The following TYW1B variants were observed in gnomAD, a reference collection of about 807,000 sequenced individuals.
TYW1B encodes S-adenosyl-L-methionine-dependent tRNA 4-demethylwyosine synthase TYW1B.
A neutral mutation model predicts 86.9 loss-of-function variants in TYW1B; 73 were observed. The observed-to-expected ratio is 0.84, with a 90% CI of 0.70 to 1.02. The LOEUF is 1.02. TYW1B is among the 50% of genes least tolerant of loss of function. The pLI is 0.00. For synonymous variants in TYW1B, 248 were observed against 292.8 expected, an observed-to-expected ratio of 0.85 and a Z score of 1.56; for missense variants, 637 against 827.4, an observed-to-expected ratio of 0.77 and a Z score of 2.82.
At chr7:72,589,454 G>A (rs1554431035) in intron 13 of TYW1B, among the ~76,000 whole-genome samples, 1 of 152,230 alleles carries the variant, frequency 6.6e-6, no homozygotes, top group African/African-American at 2.4e-5. Context: ...AAATAAAGAT[G>A]TTTTGGGGAG....
rs191144634 is a variant in TYW1B, at chr7:72,637,656, C to A, written c.1507-8659G>T. On this transcript the variant is annotated intron_variant, in intron 11 of 13. Coordinates refer to ENST00000620995, the MANE Select transcript of TYW1B (RefSeq NM_001145440.3). The stretch of plus-strand genomic sequence containing the variant: ...TGCTCTTTTTGTTTCCTTCCAAGTA[C>A]TTACTCTATGTTTAATCTACTGCTC... Among the ~76,000 whole-genome samples the A allele has an allele frequency of 6.0e-3, 890 of 148,540 alleles. 4 individuals carry two copies. Among genetic ancestry groups the A allele is most frequent in the Middle Eastern group, 0.018 (5 of 280 alleles).
At chr7:72,669,932 A>T (rs868935753) in intron 11 of TYW1B, among the ~76,000 whole-genome samples, 1 of 141,060 alleles carries the variant, frequency 7.1e-6, no homozygotes, top group East Asian at 2.1e-4. Flanking sequence ...CCATTTCTAC[A>T]AAATAAATAA....
At chr7:72,794,335 C>T (rs1167952490) in intron 6 of TYW1B, among the ~76,000 whole-genome samples, 16 of 152,080 alleles carry the variant, frequency 1.1e-4, no homozygotes, top group African/African-American at 3.4e-4. Flanking sequence ...GCAGGAGGAT[C>T]GCCTGAGGTA....
chr7:72,792,637 C>T (rs1304947933), intron 6 of TYW1B, among the ~76,000 whole-genome samples: 2 of 152,146 alleles, frequency 1.3e-5, no homozygotes, highest in African/African-American at 4.8e-5. Flanking sequence ...GGAATTTATT[C>T]TTCAGATAAG....
intron 10 of TYW1B, among the ~76,000 whole-genome samples, chr7:72,709,593 T>G (rs1290757619): frequency 1.3e-5 from 2 of 152,116 alleles, no homozygotes; most frequent in African/African-American, 4.8e-5. Flanking sequence ...ACTTGAACCC[T>G]GGAGGCGGAG....
chr7:72,638,342 C>T (rs372924091), intron 11 of TYW1B, among the ~76,000 whole-genome samples: 21,089 of 129,170 alleles, frequency 0.16, no homozygotes, highest in African/African-American at 0.21. Flanking sequence ...CTGCAACCCA[C>T]CTGTAGGTAA....
At chr7:72,803,627 T>C (rs782807255) in intron 5 of TYW1B, among the ~76,000 whole-genome samples, 1 of 152,094 alleles carries the variant, frequency 6.6e-6, no homozygotes, top group South Asian at 2.1e-4. Context: ...TGTTTGTTCT[T>C]TGTTGTTGTT....
chr7:72,747,433 T>A (rs1197524065), intron 7 of TYW1B, among the ~76,000 whole-genome samples: 1 of 152,200 alleles, frequency 6.6e-6, no homozygotes, highest in Admixed American at 6.5e-5. Flanking sequence ...ATCAGCAGCA[T>A]GAAAACGGAC....
chr7:72,792,933 G>C (rs1788244775), intron 6 of TYW1B, among the ~76,000 whole-genome samples: 1 of 152,196 alleles, frequency 6.6e-6, no homozygotes, highest in Non-Finnish European at 1.5e-5. Context: ...TAAAATACCT[G>C]CAAGAATATT....
rs28666047 is a variant in TYW1B, at chr7:72,649,502, C to T, written c.1507-20505G>A. The stretch of plus-strand genomic sequence containing the variant: ...CTCAGACTCCCATGACTTCAAGCAA[C>T]GTACTGACTTGGATGTCCGAGGATA... On this transcript the variant is annotated intron_variant, in intron 11 of 13. Transcript: ENST00000620995. Among the ~76,000 whole-genome samples, 5 of 152,178 alleles carry T rather than the reference C, an allele frequency of 3.3e-5. No individual in the cohort carries two copies. In the East Asian group the frequency reaches 5.8e-4, roughly 18 times the overall value.
chr7:72,777,262 A>C (rs1787972091), intron 7 of TYW1B, among the ~76,000 whole-genome samples, 154 bp downstream of exon 7: 1 of 152,206 alleles, frequency 6.6e-6, no homozygotes, highest in Non-Finnish European at 1.5e-5. Context: ...AGCCAACAGA[A>C]GCGATCCACA....
intron 8 of TYW1B, among the ~76,000 whole-genome samples, chr7:72,734,257 C>CAAA (rs111714599): frequency 5.6e-4 from 20 of 35,860 alleles, no homozygotes; most frequent in East Asian, 1.7e-3. Flanking sequence ...AACTCCATCT[C>CAAA]AAAAAAAAAA....
At chr7:72,731,125 G>GAAAAAA (rs1162938084) in intron 8 of TYW1B, among the ~76,000 whole-genome samples, 1 of 71,168 alleles carries the variant, frequency 1.4e-5, no homozygotes, top group Non-Finnish European at 2.8e-5. Flanking sequence ...CTAAGGGCTG[G>GAAAAAA]AAAAAAAAAA....
intron 6 of TYW1B, among the ~76,000 whole-genome samples, chr7:72,784,794 G>A (rs1304036895): frequency 3.9e-5 from 6 of 152,138 alleles, no homozygotes; most frequent in South Asian, 2.1e-4. Flanking sequence ...CACTGCGCCC[G>A]GCCTCCTAAT....
intron 9 of TYW1B, among the ~76,000 whole-genome samples, chr7:72,724,969 C>T (rs190558598): frequency 7.7e-4 from 117 of 152,230 alleles, no homozygotes; most frequent in African/African-American, 2.6e-3. Flanking sequence ...AATTTTAAAA[C>T]TCTTTTGTTT....
intron 11 of TYW1B, among the ~76,000 whole-genome samples, chr7:72,683,213 G>A (rs140476550): frequency 0.013 from 1,938 of 152,232 alleles, 19 homozygotes; most frequent in Non-Finnish European, 0.019. Context: ...CTGTCCCAAC[G>A]GGGAAGAAAA....
chr7:72,754,900 G>A (rs1787560362), intron 7 of TYW1B, among the ~76,000 whole-genome samples: 1 of 151,972 alleles, frequency 6.6e-6, no homozygotes, highest in Admixed American at 6.6e-5. Flanking sequence ...CTTATAGTTT[G>A]GGCAAAACAC....
At position 72,728,826 on chromosome 7, in the gene TYW1B, A is replaced by C. The variant is rs531276126; in HGVS notation, c.1188T>G (p.Phe396Leu). The change falls in exon 9 of 14, where the codon TTT (phenylalanine) becomes TTG (leucine). Residue 396 changes from phenylalanine to leucine, a missense_variant. Coordinates refer to ENST00000620995, the MANE Select transcript of TYW1B (RefSeq NM_001145440.3). Reference sequence around the variant, plus strand: ...CTGTAGAGGGAAGATAAATACCTTTAAACTGCTTAATCATGTTCTGATGGT... The same window carrying C: ...CTGTAGAGGGAAGATAAATACCTTTCAACTGCTTAATCATGTTCTGATGGT... ...IENHQNMIKQ[F>L]KGVPGVKAER... The C allele has an allele frequency of 2.2e-4, 356 of 1,612,806 alleles. 1 individual carries two copies. The highest frequency in any genetic ancestry group is 3.0e-4 in the Non-Finnish European group (349 of 1,179,440).
intron 12 of TYW1B, among the ~76,000 whole-genome samples, chr7:72,627,995 G>A (rs534698380): frequency 2.2e-4 from 33 of 151,998 alleles, no homozygotes; most frequent in Non-Finnish European, 3.8e-4. Flanking sequence ...TAACTGTTTC[G>A]AAAGAATACA....
Sources: gnomAD v4.1 joint callset for allele counts (sites outside exome capture counted in the v4.1 genomes callset) on GRCh38, gnomAD v4.1.1 for gene constraint, MANE v1.5 for transcripts, NCBI Gene and HGNC (gene_info 2026-07-23, HGNC 2026-07-21) for gene names.